The following ABHD3 variants were observed in gnomAD, a reference collection of about 807,000 sequenced individuals.
The protein encoded by ABHD3 is abhydrolase domain containing 3, phospholipase.
Under a neutral mutation model 48.8 loss-of-function variants are expected in ABHD3, and 46 were observed. The ratio of observed to expected loss-of-function variants is 0.94; its 90% confidence interval spans 0.74 to 1.20. The LOEUF is 1.20. ABHD3 is among the 50% of genes most tolerant of loss of function. The pLI is 0.00. For missense variants in ABHD3, 490 were observed against 497.8 expected (o/e 0.98, Z 0.15); for synonymous variants, 192 against 183.7 (o/e 1.04, Z -0.36).
chr18:21,692,103 C>T (rs1484418929), intron 3 of ABHD3, among the ~76,000 whole-genome samples: 4 of 152,188 alleles, frequency 2.6e-5, no homozygotes, highest in Admixed American at 6.5e-5. Flanking sequence ...GCGTCCACCA[C>T]CACACTCGGC....
At chr18:21,702,617 G>C in intron 2 of ABHD3, 119 bp from the exon 3 acceptor site, 1 of 827,642 alleles carries the variant, frequency 1.2e-6, no homozygotes, top group Non-Finnish European at 1.8e-6. Flanking sequence ...CAGCATTCAC[G>C]AACACACACC....
intron 3 of ABHD3, among the ~76,000 whole-genome samples, chr18:21,697,515 A>T (rs1336483573): frequency 6.6e-6 from 1 of 151,980 alleles, no homozygotes; most frequent in Non-Finnish European, 1.5e-5. Context: ...AAGTAGCTGG[A>T]ATTACAGGTG....
At chr18:21,653,737 TAAAA>T (rs11361855) in intron 8 of ABHD3, among the ~76,000 whole-genome samples, 1 of 120,366 alleles carries the variant, frequency 8.3e-6, no homozygotes, top group Admixed American at 8.2e-5. Context: ...CAAAAAATGT[TAAAA>T]AAAAAAAAAA....
chr18:21,684,375 T>C (rs1192956517), intron 3 of ABHD3, among the ~76,000 whole-genome samples: 2 of 134,150 alleles, frequency 1.5e-5, no homozygotes, highest in East Asian at 4.5e-4. Context: ...TGGAGTGCAA[T>C]GGTGCGATCT....
At chr18:21,703,835 G>C in intron 1 of ABHD3, 88 bp from the exon 2 acceptor site, 1 of 1,455,758 alleles carries the variant, frequency 6.9e-7, no homozygotes. Context: ...TGTCGCTCGC[G>C]CGCGCGCTTC....
At chr18:21,655,266 AG>A (rs1464963662) in intron 8 of ABHD3, among the ~76,000 whole-genome samples, 2 of 149,682 alleles carry the variant, frequency 1.3e-5, no homozygotes, top group East Asian at 4.0e-4. Context: ...TAATGCATTG[AG>A]GGGAAAGAGA....
Position 21,704,667 on chromosome 18 carries a change from G to T in ABHD3, c.-2C>A. On this transcript the variant is annotated 5_prime_UTR_variant, in exon 1 of 9. Transcript: ENST00000289119. Reference sequence around the variant, plus strand: ...CAGGTCCATGGCCAGGCGCTGCATGGCCCCCGAGCGCGGCGCGCGGGTCCT... The same window carrying T: ...CAGGTCCATGGCCAGGCGCTGCATGTCCCCCGAGCGCGGCGCGCGGGTCCT... 6.7e-7 allele frequency: 1 copy of T among 1,482,572 alleles called. No individual in the cohort carries two copies. Among genetic ancestry groups the T allele is most frequent in the Non-Finnish European group, 9.0e-7 (1 of 1,115,686 alleles). 91.8% of individuals were successfully genotyped at this position (1,482,572 alleles called of 1,614,324 possible).
At chr18:21,652,310 TAGTG>T (rs1329408368) in intron 8 of ABHD3, among the ~76,000 whole-genome samples, 2 of 149,484 alleles carry the variant, frequency 1.3e-5, no homozygotes, top group Non-Finnish European at 3.0e-5. Context: ...CTGGGCAACA[TAGTG>T]AGACCCCATC....
intron 3 of ABHD3, among the ~76,000 whole-genome samples, chr18:21,691,053 C>T (rs1022846256): frequency 1.4e-5 from 2 of 145,828 alleles, no homozygotes; most frequent in Non-Finnish European, 3.0e-5. Context: ...CTACAATACA[C>T]TTTAAATACA....
In ABHD3 at chr18:21,656,982, C is replaced by T. The variant is rs1204923715; in HGVS notation, c.936G>A (p.Met312Ile). The change falls in exon 8 of 9, where the codon ATG becomes ATA. Residue 312 changes from methionine to isoleucine, a missense_variant. Transcript: ENST00000289119. ...REFDKRFTSV[M>I]FGYQTIDDYY... ...AATCATCAATTGTTTGGTATCCAAA[C>T]ATGACTGAAGTGAATCGCTTATCAA... 6.2e-7 allele frequency: 1 copy of T among 1,613,962 alleles called. No homozygotes were observed. The highest frequency in any genetic ancestry group is 8.5e-7 in the Non-Finnish European group (1 of 1,180,014).
At chr18:21,685,993 C>T (rs561243144) in intron 3 of ABHD3, among the ~76,000 whole-genome samples, 6 of 152,200 alleles carry the variant, frequency 3.9e-5, no homozygotes, top group African/African-American at 1.4e-4. Flanking sequence ...CCACCGTGCC[C>T]GGCCAGCCTG....
rs1404042587 is a variant in ABHD3, at chr18:21,651,175, A to G, written c.*416T>C. ...AATACCCTTAGGAATGTACCACCTT[A>G]TAACTTACATTGAAATAGCCAATAT... On this transcript the variant is annotated 3_prime_UTR_variant, in exon 9 of 9. Coordinates refer to ENST00000289119, the MANE Select transcript of ABHD3 (RefSeq NM_138340.5). 6.4e-6 allele frequency: 1 copy of G among 155,116 alleles called. No individual in the cohort carries two copies. The highest frequency in any genetic ancestry group is 1.4e-5 in the Non-Finnish European group (1 of 69,572). The allele number at this position is 155,116 out of a possible 1,614,324, so 9.6% of individuals were successfully genotyped here. A position where few individuals can be genotyped will look rare whatever the true frequency, so the allele number is the denominator to read the frequency against.
chr18:21,662,543 G>A (rs549526481), intron 5 of ABHD3: 9 of 152,178 alleles, frequency 5.9e-5, no homozygotes, highest in Non-Finnish European at 8.8e-5. Flanking sequence ...TGGCCCCAGG[G>A]GCATCATAGG....
chr18:21,668,432 T>C (rs987666826), intron 4 of ABHD3, among the ~76,000 whole-genome samples: 3 of 152,040 alleles, frequency 2.0e-5, no homozygotes, highest in Non-Finnish European at 2.9e-5. Context: ...TATGTGTATA[T>C]GTAAGAATGC....
intron 3 of ABHD3, among the ~76,000 whole-genome samples, chr18:21,688,901 C>G (rs531150401): frequency 6.6e-6 from 1 of 152,024 alleles, no homozygotes; most frequent in Non-Finnish European, 1.5e-5. Context: ...AGTGGTTACA[C>G]GGACAGTAAC....
chr18:21,669,592 G>A (rs186874424), intron 4 of ABHD3, among the ~76,000 whole-genome samples: 30 of 152,262 alleles, frequency 2.0e-4, no homozygotes, highest in Non-Finnish European at 4.3e-4. Context: ...AAATTTCCAA[G>A]TTCCAGCAGG....
chr18:21,666,297 G>A (rs779473553), intron 4 of ABHD3, among the ~76,000 whole-genome samples: 4 of 152,068 alleles, frequency 2.6e-5, no homozygotes, highest in African/African-American at 4.8e-5. Context: ...GGGTTCAAGC[G>A]ATTCTCCTGC....
At chr18:21,659,671 T>TG (rs1358193931) in intron 5 of ABHD3, among the ~76,000 whole-genome samples, 99 of 151,192 alleles carry the variant, frequency 6.5e-4, no homozygotes, top group African/African-American at 1.9e-3. Flanking sequence ...TTTTTTTTTT[T>TG]TGTGTGTGTG....
At chr18:21,693,601 C>T (rs773309815) in intron 3 of ABHD3, among the ~76,000 whole-genome samples, 2 of 152,192 alleles carry the variant, frequency 1.3e-5, no homozygotes, top group Non-Finnish European at 2.9e-5. Context: ...GAACAGCTAA[C>T]AATTAGTGCC....
Sources: allele counts gnomAD v4.1 joint callset (sites outside exome capture counted in the v4.1 genomes callset), GRCh38; gene constraint gnomAD v4.1.1; transcripts MANE v1.5; gene names NCBI Gene and HGNC (gene_info 2026-07-23, HGNC 2026-07-21).